The following CEP135 variants were observed in gnomAD, a reference collection of about 807,000 sequenced individuals.
CEP135 encodes the protein centrosomal protein 135, also known as centrosomal protein of 135 kDa.
Under a neutral mutation model 157.3 loss-of-function variants are expected in CEP135, and 142 were observed. The observed-to-expected ratio is 0.90, with a 90% CI of 0.79 to 1.04. The LOEUF (loss-of-function observed/expected upper bound fraction) is 1.04. Ranked by LOEUF, CEP135 falls within the 50% of genes least tolerant of loss-of-function variation. CEP135 has a pLI of 0.00. For missense variants in CEP135, 1,317 were observed against 1,309.2 expected, an observed-to-expected ratio of 1.01 and a Z score of -0.09; for synonymous variants, 396 against 439.8, an observed-to-expected ratio of 0.90 and a Z score of 1.25.
In CEP135 at chr4:55,991,942, C is replaced by G. The variant is rs376553815; in HGVS notation, c.1866C>G (p.Ser622Arg). 1 of 1,457,006 alleles carries G rather than the reference C, an allele frequency of 6.9e-7. No individual in the cohort carries two copies. 90.3% of individuals were successfully genotyped at this position (1,457,006 alleles called of 1,614,324 possible). A position where few individuals can be genotyped will look rare whatever the true frequency, so the allele number is the denominator to read the frequency against. ...TTTTATTTAAATTATAGCTTGAAAG[C>G]GAAAAATATGAATTAAAGTCTAAAG... ...HLTCVNHQLE[S>R]EKYELKSKVL... Residue 622 changes from serine to arginine, a missense_variant, in exon 15 of 26, where the codon AGC becomes AGG. By Grantham distance (110) the Ser-to-Arg change is moderately radical. Transcript: ENST00000257287.
chr4:55,951,099 C>T (rs889927588), intron 1 of CEP135, among the ~76,000 whole-genome samples: 3 of 152,172 alleles, frequency 2.0e-5, no homozygotes, highest in Non-Finnish European at 2.9e-5. Flanking sequence ...ATCAGTAGTT[C>T]CTTTTATCCC....
chr4:55,968,664 T>A (rs1009132323), intron 8 of CEP135, among the ~76,000 whole-genome samples: 12 of 152,120 alleles, frequency 7.9e-5, no homozygotes, highest in African/African-American at 2.7e-4. Flanking sequence ...TCCTATTGGG[T>A]CATAATATTT....
Position 56,012,071 on chromosome 4 carries a change from T to A in CEP135, c.2802+86T>A, listed in dbSNP as rs554066583. The A allele has an allele frequency of 2.4e-3, 2,146 of 912,240 alleles. 5 individuals are homozygous for A. Among genetic ancestry groups the A allele is most frequent in the Non-Finnish European group, 2.7e-3 (1,769 of 664,180 alleles). 56.5% of individuals were successfully genotyped at this position (912,240 alleles called of 1,614,324 possible). On this transcript the variant is annotated intron_variant, in intron 21 of 25. Transcript: ENST00000257287. ...ACTTTATTTATTTATTTATTTATTT[T>A]TTTTGAGATGAAGTCTGACTCTGTT...
intron 24 of CEP135, among the ~76,000 whole-genome samples, chr4:56,023,181 C>G (rs531283497): frequency 6.6e-6 from 1 of 151,784 alleles, no homozygotes; most frequent in Non-Finnish European, 1.5e-5. Context: ...ATGATTGTAC[C>G]ACTGCACTTG....
intron 25 of CEP135, among the ~76,000 whole-genome samples, chr4:56,028,586 G>A (rs1456860535): frequency 1.5e-4 from 22 of 150,030 alleles, no homozygotes; most frequent in African/African-American, 5.2e-4. Context: ...ATTTCCCCAA[G>A]CACTCAGAAA....
At chr4:55,957,151 T>C (rs1271708398) in intron 4 of CEP135, 72 bp from the exon 5 acceptor site, 3 of 1,526,080 alleles carry the variant, frequency 2.0e-6, no homozygotes, top group Non-Finnish European at 2.7e-6. Flanking sequence ...ACCGAAAGGC[T>C]AACCTGGAAT....
chr4:55,995,493 C>T lies in CEP135; in HGVS notation c.2009+3408C>T, dbSNP rs77258776. Among the ~76,000 whole-genome samples, 984 of 152,116 alleles carry T rather than the reference C, an allele frequency of 6.5e-3. 12 individuals are homozygous for T. The highest frequency in any genetic ancestry group is 0.023 in the African/African-American group (945 of 41,468). On this transcript the variant is annotated intron_variant, in intron 15 of 25. Transcript: ENST00000257287. ...GCTTGGACACCCTGTTAGACTGTGC[C>T]GGCTATATAGTTTATGTCACACCTG... is the stretch of plus-strand genomic sequence containing the variant.
chr4:55,962,585 T>C (rs974425406), intron 6 of CEP135, among the ~76,000 whole-genome samples: 1 of 152,200 alleles, frequency 6.6e-6, no homozygotes, highest in Admixed American at 6.5e-5. Flanking sequence ...TTAATTACAT[T>C]AGTAACATTA....
intron 8 of CEP135, among the ~76,000 whole-genome samples, 164 bp from the exon 9 acceptor site, chr4:55,968,899 G>A (rs1728926729): frequency 1.3e-5 from 2 of 152,190 alleles, no homozygotes; most frequent in South Asian, 2.1e-4. Flanking sequence ...AGATTAAAGA[G>A]AAGCCTCAAT....
At chr4:55,975,111 C>T (rs1352600489) in intron 11 of CEP135, 142 bp downstream of exon 11, 1 of 582,206 alleles carries the variant, frequency 1.7e-6, no homozygotes, top group Non-Finnish European at 3.0e-6. Context: ...ATGGCCTGCA[C>T]TATAGGAACA....
chr4:56,024,428 T>C, intron 24 of CEP135, 73 bp from the exon 25 acceptor site: 2 of 1,003,944 alleles, frequency 2.0e-6, no homozygotes, highest in South Asian at 2.7e-5. Flanking sequence ...CTAATAACTC[T>C]TATATTTGTT....
intron 18 of CEP135, among the ~76,000 whole-genome samples, chr4:56,009,413 C>T (rs1033691064): frequency 1.3e-5 from 2 of 152,176 alleles, no homozygotes; most frequent in African/African-American, 2.4e-5. Flanking sequence ...CTGCCCGCCT[C>T]GGCCTCCCAA....
At chr4:56,021,497 C>T (rs933865540) in intron 24 of CEP135, among the ~76,000 whole-genome samples, 1 of 152,076 alleles carries the variant, frequency 6.6e-6, no homozygotes, top group African/African-American at 2.4e-5. Context: ...GGATTGAGAC[C>T]TGCTTTAAAT....
chr4:55,988,072 A>G (rs565652977), intron 14 of CEP135, among the ~76,000 whole-genome samples: 109 of 152,220 alleles, frequency 7.2e-4, no homozygotes, highest in Non-Finnish European at 1.1e-3. Context: ...TATAGGAAAC[A>G]TTATGCAACC....
At chr4:56,024,269 A>G (rs1041144674) in intron 24 of CEP135, among the ~76,000 whole-genome samples, 3 of 150,658 alleles carry the variant, frequency 2.0e-5, no homozygotes, top group Admixed American at 1.3e-4. Context: ...CAATTAGGTC[A>G]TTAAAATAAT....
At chr4:55,951,779 G>A (rs1044735403) in intron 1 of CEP135, among the ~76,000 whole-genome samples, 1 of 152,082 alleles carries the variant, frequency 6.6e-6, no homozygotes, top group Non-Finnish European at 1.5e-5. Flanking sequence ...TATCTTTTAT[G>A]TTTAGTGCTT....
chr4:55,964,177 G>A (rs1240857690), intron 6 of CEP135, 97 bp from the exon 7 acceptor site: 1 of 1,187,226 alleles, frequency 8.4e-7, no homozygotes, highest in Admixed American at 2.5e-5. Flanking sequence ...GCATACATTG[G>A]TACATAAGAA....
intron 1 of CEP135, among the ~76,000 whole-genome samples, chr4:55,951,682 C>T (rs1157521223): frequency 6.6e-6 from 1 of 152,026 alleles, no homozygotes; most frequent in Non-Finnish European, 1.5e-5. Flanking sequence ...ATATTTTCTC[C>T]CACTCTTTGG....
At position 55,974,749 on chromosome 4, in the gene CEP135, G is replaced by C. The variant is rs771786476; in HGVS notation, c.1253G>C (p.Arg418Pro). The C allele has an allele frequency of 1.9e-6, 3 of 1,608,730 alleles. No individual in the cohort carries two copies. The African/African-American group carries it at 4.0e-5, about 22-fold the overall frequency. Residue 418 changes from arginine (R) to proline (P), a missense_variant, in exon 11 of 26, where the codon CGA becomes CCA. By Grantham distance (103) the Arg-to-Pro change is moderately radical. Transcript: ENST00000257287. Reference protein sequence around the residue: ...KKVESFAVTERQLTLEVERMR... With the variant: ...KKVESFAVTEPQLTLEVERMR... ...AGTTAACCACTTTAATTTACAGAACGACAACTTACTCTGGAGGTTGAGAGG... is the reference window on the plus strand; with the variant it reads ...AGTTAACCACTTTAATTTACAGAACCACAACTTACTCTGGAGGTTGAGAGG...
Sources: gnomAD v4.1 joint callset for allele counts (sites outside exome capture counted in the v4.1 genomes callset) on GRCh38, gnomAD v4.1.1 for gene constraint, MANE v1.5 for transcripts, NCBI Gene and HGNC (gene_info 2026-07-23, HGNC 2026-07-21) for gene names.